Variants in ZNF705B observed in about 807,000 individuals in gnomAD.
ZNF705B encodes the protein Putative zinc finger protein 705D-like protein LOC100132396.
A neutral mutation model predicts 10.5 loss-of-function variants in ZNF705B; 1 was observed. That is an observed-to-expected ratio of 0.10 (90% CI 0.03 to 0.45). The LOEUF (loss-of-function observed/expected upper bound fraction) is 0.45, where lower values mean the gene tolerates loss of function less well. Among genes scored for constraint, ZNF705B ranks in the 20% least tolerant of loss-of-function variants. The pLI, the probability that ZNF705B is intolerant of heterozygous loss-of-function variation, is 0.97. For synonymous variants in ZNF705B, 4 were observed against 25.4 expected, an observed-to-expected ratio of 0.16 and a Z score of 2.53; for missense variants, 14 against 84.0, an observed-to-expected ratio of 0.17 and a Z score of 3.26.
intron 1 of ZNF705B, among the ~76,000 whole-genome samples, chr8:7,927,614 A>C (rs1819732712): frequency 8.6e-6 from 1 of 116,868 alleles, no homozygotes; most frequent in African/African-American, 2.5e-5. Context: ...TGAGACAAAC[A>C]GTAGGAGGTT....
At chr8:7,931,476 C>A (rs534518425) in intron 2 of ZNF705B, among the ~76,000 whole-genome samples, 1,398 of 121,148 alleles carry the variant, frequency 0.012, 54 homozygotes, top group African/African-American at 0.034. Flanking sequence ...TGTGCACAGG[C>A]ACCACCAGGC....
At position 7,936,269 on chromosome 8, in the gene ZNF705B, G is replaced by A. The variant is rs1253324558; in HGVS notation, c.-72+5833G>A. Among the ~76,000 whole-genome samples, 4 of 120,136 alleles carry A rather than the reference G, an allele frequency of 3.3e-5. 1 individual carries two copies. Among genetic ancestry groups the A allele is most frequent in the African/African-American group, 1.0e-4 (4 of 39,250 alleles). The allele number at this position is 120,136 out of a possible 152,430, so 78.8% of individuals were successfully genotyped here. On this transcript the variant is annotated intron_variant, in intron 2 of 6. Transcript: ENST00000400120. The stretch of plus-strand genomic sequence containing the variant: ...CGGTTCAGAGGTCTTTGAATCATGT[G>A]TACTATTTTACTATACCTGATTCTA...
intron 2 of ZNF705B, among the ~76,000 whole-genome samples, chr8:7,942,978 A>AT (rs1454169785): frequency 3.2e-4 from 1 of 3,114 alleles, no homozygotes; most frequent in Non-Finnish European, 6.5e-3. Context: ...TTTAACTAAC[A>AT]TTTTTGATGT....
intron 1 of ZNF705B, among the ~76,000 whole-genome samples, chr8:7,929,577 T>A (rs1819785229): frequency 8.1e-6 from 1 of 123,700 alleles, no homozygotes; most frequent in African/African-American, 2.5e-5. Context: ...GGAGGAGACT[T>A]GGATCTGTAA....
At chr8:7,928,483 T>C (rs1198164215) in intron 1 of ZNF705B, among the ~76,000 whole-genome samples, 1 of 120,744 alleles carries the variant, frequency 8.3e-6, no homozygotes, top group African/African-American at 2.5e-5. Flanking sequence ...CAGACAGTGC[T>C]TGTTACTTTA....
chr8:7,937,585 T>C, intron 2 of ZNF705B, among the ~76,000 whole-genome samples: 1 of 121,398 alleles, frequency 8.2e-6, no homozygotes, highest in East Asian at 2.3e-4. Flanking sequence ...TTTAAAATAT[T>C]TTTAACTGAT....
rs1819686133 is a variant in ZNF705B at position 7,926,361 on chromosome 8, C to A, written c.-258C>A. ...TGTCCTTGTCCCAAGGGACATACAG[C>A]ACACAGCCTGTGGAGGGTGGAGGAA... On this transcript the variant is annotated 5_prime_UTR_variant, in exon 1 of 7. Coordinates refer to ENST00000400120, the MANE Select transcript of ZNF705B (RefSeq NM_001193630.1). 1 of 117,260 alleles carries A rather than the reference C, an allele frequency of 8.5e-6. No homozygotes were observed. Among genetic ancestry groups the A allele is most frequent in the Admixed American group, 9.8e-5 (1 of 10,162 alleles). 7.3% of individuals were successfully genotyped at this position (117,260 alleles called of 1,614,324 possible).
chr8:7,934,682 GTGTGTGTGTC>G, intron 2 of ZNF705B: 1 of 102,590 alleles, frequency 9.7e-6, no homozygotes, highest in Non-Finnish European at 1.7e-5. Flanking sequence ...GTGTGGATTT[GTGTGTGTGTC>G]TGTGTGTGTG....
rs1584993378 is a variant in ZNF705B at position 7,926,410 on chromosome 8, T to C, written c.-222+13T>C. ...AACCAACTGCAAGGTGGGTTTCCAGTAGGGCCAACTGGGGCTAAAGAAGGG... is the reference window on the plus strand; with the variant it reads ...AACCAACTGCAAGGTGGGTTTCCAGCAGGGCCAACTGGGGCTAAAGAAGGG... On this transcript the variant is annotated intron_variant, in intron 1 of 6. Coordinates refer to ENST00000400120, the MANE Select transcript of ZNF705B (RefSeq NM_001193630.1). The C allele has an allele frequency of 8.4e-6, 1 of 119,034 alleles. No individual in the cohort carries two copies. The highest frequency in any genetic ancestry group is 2.6e-5 in the African/African-American group (1 of 38,728). The allele number at this position is 119,034 out of a possible 1,614,324, so 7.4% of individuals were successfully genotyped here.
chr8:7,931,215 A>T (rs1173386524), intron 2 of ZNF705B, among the ~76,000 whole-genome samples: 3 of 121,122 alleles, frequency 2.5e-5, no homozygotes, highest in African/African-American at 7.6e-5. Flanking sequence ...CCTGGGAGGC[A>T]TGTGTAGCAT....
At chr8:7,928,652 G>A (rs1330621797) in intron 1 of ZNF705B, among the ~76,000 whole-genome samples, 2 of 97,104 alleles carry the variant, frequency 2.1e-5, no homozygotes, top group African/African-American at 5.6e-5. Context: ...ACATGATTAA[G>A]AAACTCTTTG....
chr8:7,936,577 G>A (rs1384015416), intron 2 of ZNF705B, among the ~76,000 whole-genome samples: 2 of 120,188 alleles, frequency 1.7e-5, no homozygotes, highest in African/African-American at 5.1e-5. Flanking sequence ...TCAGCAACAT[G>A]GATGCAGCTG....
intron 2 of ZNF705B, among the ~76,000 whole-genome samples, chr8:7,937,180 C>T (rs1462937905): frequency 8.5e-6 from 1 of 117,474 alleles, no homozygotes; most frequent in African/African-American, 2.6e-5. Flanking sequence ...TCGAGTGAAG[C>T]AGATGATAGG....
chr8:7,927,381 T>C (rs1159841042), intron 1 of ZNF705B, among the ~76,000 whole-genome samples: 1 of 121,282 alleles, frequency 8.2e-6, no homozygotes, highest in African/African-American at 2.5e-5. Context: ...AAGTTCCTCT[T>C]ACAGGTTAGG....
chr8:7,940,413 C>T (rs1324317396), intron 2 of ZNF705B, among the ~76,000 whole-genome samples: 2 of 134,976 alleles, frequency 1.5e-5, no homozygotes, highest in Non-Finnish European at 3.3e-5. Context: ...GTCCCCTCCC[C>T]TTTATTATTA....
chr8:7,940,530 G>A (rs1043854551), intron 2 of ZNF705B, among the ~76,000 whole-genome samples: 2 of 116,176 alleles, frequency 1.7e-5, no homozygotes, highest in Non-Finnish European at 4.0e-5. Flanking sequence ...TGCTGTAAAC[G>A]AGACCTCCAG....
rs994349756 is a variant in ZNF705B, at chr8:7,930,844, T to TG, written c.-72+408_-72+409insG. 2.0e-5 allele frequency among the ~76,000 whole-genome samples: 2 copies of TG among 98,334 alleles called. 1 individual carries two copies. Among genetic ancestry groups the TG allele is most frequent in the African/African-American group, 5.5e-5 (2 of 36,052 alleles). The allele number at this position is 98,334 out of a possible 152,430, so 64.5% of individuals were successfully genotyped here. On this transcript the variant is annotated intron_variant, in intron 2 of 6. Coordinates refer to ENST00000400120, the MANE Select transcript of ZNF705B (RefSeq NM_001193630.1). ...GCAAAGATGTGTTGTGTTATTTTTTTTGTTTTTTTTTTTGTTGTTGTTGTT... is the reference window on the plus strand; with the variant it reads ...GCAAAGATGTGTTGTGTTATTTTTTTGTGTTTTTTTTTTTGTTGTTGTTGTT...
chr8:7,930,977 T>C (rs1256529477), intron 2 of ZNF705B, among the ~76,000 whole-genome samples: 1 of 126,352 alleles, frequency 7.9e-6, no homozygotes, highest in African/African-American at 2.5e-5. Flanking sequence ...TGCCTCAGCC[T>C]CCAGAGTAGC....
At position 7,930,863 on chromosome 8, in the gene ZNF705B, T is replaced by A. The variant is rs1229723437; in HGVS notation, c.-72+427T>A. On this transcript the variant is annotated intron_variant, in intron 2 of 6. Coordinates refer to ENST00000400120, the MANE Select transcript of ZNF705B (RefSeq NM_001193630.1). ...TTTTTTTTGTTTTTTTTTTTGTTGT[T>A]GTTGTTGTTTTGAGACAGAGTCTAG... Among the ~76,000 whole-genome samples the A allele has an allele frequency of 3.1e-5, 4 of 130,866 alleles. 1 individual carries two copies. Among genetic ancestry groups the A allele is most frequent in the Admixed American group, 1.7e-4 (2 of 11,952 alleles). 85.9% of individuals were successfully genotyped at this position (130,866 alleles called of 152,430 possible). A position where few individuals can be genotyped will look rare whatever the true frequency, so the allele number is the denominator to read the frequency against.
Sources: gnomAD v4.1 joint callset for allele counts (sites outside exome capture counted in the v4.1 genomes callset) on GRCh38, gnomAD v4.1.1 for gene constraint, MANE v1.5 for transcripts, NCBI Gene and HGNC (gene_info 2026-07-23, HGNC 2026-07-21) for gene names.